The following HERC3 variants were observed in gnomAD, a reference collection of about 807,000 sequenced individuals.
HERC3 encodes the protein HECT and RLD domain containing E3 ubiquitin protein ligase 3, also known as probable E3 ubiquitin-protein ligase HERC3.
HERC3 carries 58 observed loss-of-function variants against 129.9 expected under a neutral mutation model. The observed-to-expected ratio is 0.45, with a 90% CI of 0.36 to 0.56. The LOEUF (loss-of-function observed/expected upper bound fraction) is 0.56. HERC3 is among the 20% of genes least tolerant of loss of function. HERC3 has a pLI of 0.00. For missense variants in HERC3, 835 were observed against 1,244.2 expected, an observed-to-expected ratio of 0.67 and a Z score of 4.95; for synonymous variants, 430 against 451.0, an observed-to-expected ratio of 0.95 and a Z score of 0.59.
chr4:88,534,741 T>C, the HERC3 span, among the ~76,000 whole-genome samples: 1 of 152,208 alleles, frequency 6.6e-6, no homozygotes, highest in South Asian at 2.1e-4. Flanking sequence ...CTATATGGCT[T>C]TTTTATTATC....
the HERC3 span, among the ~76,000 whole-genome samples, chr4:88,530,648 A>C: frequency 6.6e-6 from 1 of 152,314 alleles, no homozygotes; most frequent in Middle Eastern, 3.4e-3. Flanking sequence ...GAGTATGATG[A>C]GCCATCAATA....
chr4:88,552,872 T>C, the HERC3 span, among the ~76,000 whole-genome samples: 1 of 152,130 alleles, frequency 6.6e-6, no homozygotes, highest in Non-Finnish European at 1.5e-5. Context: ...CCATATTCGG[T>C]ATGTGGTGAT....
intron 23 of HERC3, among the ~76,000 whole-genome samples, chr4:88,700,099 T>C (rs1735192377): frequency 6.6e-6 from 1 of 152,144 alleles, no homozygotes; most frequent in South Asian, 2.1e-4. Flanking sequence ...GCTTTTTTTT[T>C]TTACTAGCAG....
At chr4:88,693,384 A>G in intron 23 of HERC3, 3 of 967,838 alleles carry the variant, frequency 3.1e-6, no homozygotes, top group Non-Finnish European at 3.7e-6. Flanking sequence ...ATACTCCCTT[A>G]TATGTCATTA....
At chr4:88,664,240 C>T in intron 12 of HERC3, 28 bp downstream of exon 12, 1 of 1,568,886 alleles carries the variant, frequency 6.4e-7, no homozygotes, top group South Asian at 1.1e-5. Flanking sequence ...TTAAAAAACC[C>T]TCACGTGTAC....
chr4:88,700,616 C>T (rs1252298130), intron 23 of HERC3, among the ~76,000 whole-genome samples: 2 of 152,092 alleles, frequency 1.3e-5, no homozygotes, highest in Non-Finnish European at 1.5e-5. Context: ...TAGGTATTTG[C>T]TGTTGTAGTA....
intron 23 of HERC3, among the ~76,000 whole-genome samples, chr4:88,702,102 A>G (rs540926211): frequency 1.3e-5 from 2 of 152,298 alleles, no homozygotes; most frequent in East Asian, 3.9e-4. Context: ...CTAGACAAAG[A>G]TCTTTTTACA....
At chr4:88,614,978 A>G (rs1458563086) in intron 3 of HERC3, among the ~76,000 whole-genome samples, 1 of 152,212 alleles carries the variant, frequency 6.6e-6, no homozygotes, top group South Asian at 2.1e-4. Flanking sequence ...TAGGTCACCA[A>G]CAGTACTGAA....
the HERC3 span, among the ~76,000 whole-genome samples, chr4:88,535,068 A>G: frequency 0.27 from 40,529 of 152,170 alleles, 5,947 homozygotes; most frequent in East Asian, 0.54. Flanking sequence ...GTTATTGCAT[A>G]TGAAAAAAAT....
intron 24 of HERC3, 95 bp downstream of exon 24, chr4:88,704,376 T>G: frequency 7.3e-7 from 1 of 1,363,996 alleles, no homozygotes; most frequent in South Asian, 1.2e-5. Context: ...CCAAGCATAC[T>G]GTGGTTGAGT....
intron 1 of HERC3, among the ~76,000 whole-genome samples, chr4:88,593,989 G>A (rs1223337337): frequency 1.3e-5 from 2 of 152,180 alleles, no homozygotes; most frequent in Non-Finnish European, 2.9e-5. Context: ...TGGTCGTACC[G>A]CCTTCGAGGC....
intron 7 of HERC3, among the ~76,000 whole-genome samples, chr4:88,654,375 TATATATATATATAC>T (rs755520208): frequency 0.12 from 15,057 of 121,024 alleles, 976 homozygotes; most frequent in East Asian, 0.26. Flanking sequence ...TATATATATA[TATATATATATATAC>T]ACACACACAC....
At chr4:88,669,776 A>G in intron 14 of HERC3, 84 bp from the exon 15 acceptor site, 1 of 1,199,018 alleles carries the variant, frequency 8.3e-7, no homozygotes, top group South Asian at 1.4e-5. Flanking sequence ...CTTCTAGACA[A>G]AGCAATTTTT....
At chr4:88,655,820 G>C in intron 8 of HERC3, 55 bp from the exon 9 acceptor site, 1 of 1,544,208 alleles carries the variant, frequency 6.5e-7, no homozygotes. Flanking sequence ...CAGAGTCAGA[G>C]TGTACATCCA....
At chr4:88,561,873 A>G in the HERC3 span, among the ~76,000 whole-genome samples, 1 of 152,010 alleles carries the variant, frequency 6.6e-6, no homozygotes, top group Non-Finnish European at 1.5e-5. Context: ...ATAGTACTAC[A>G]TTTTCTTTAT....
chr4:88,549,989 T>C, the HERC3 span, among the ~76,000 whole-genome samples: 2 of 152,090 alleles, frequency 1.3e-5, no homozygotes, highest in Non-Finnish European at 2.9e-5. Flanking sequence ...GTTTCCTTAT[T>C]GGGGAATCGA....
chr4:88,658,183 G>C lies in HERC3; in HGVS notation c.1070-232G>C, dbSNP rs570130986. 2.4e-5 allele frequency: 8 copies of C among 335,674 alleles called. No homozygotes were observed. The East Asian group carries it at 3.8e-4, about 16-fold the overall frequency. 20.8% of individuals were successfully genotyped at this position (335,674 alleles called of 1,614,324 possible). ...ACTAGGTCAGGATTCACTGGCAGTTGGGGAGGGGCAGAAGAAGAGTTAGAG... is the reference window on the plus strand; with the variant it reads ...ACTAGGTCAGGATTCACTGGCAGTTCGGGAGGGGCAGAAGAAGAGTTAGAG... On this transcript the variant is annotated intron_variant, in intron 9 of 25. Transcript: ENST00000402738.
the HERC3 span, among the ~76,000 whole-genome samples, chr4:88,570,377 T>A: frequency 0.16 from 24,542 of 152,196 alleles, 2,330 homozygotes; most frequent in Admixed American, 0.25. Context: ...GATGAAACAA[T>A]CTTAGTCAGA....
chr4:88,562,113 C>T, the HERC3 span, among the ~76,000 whole-genome samples: 42 of 152,258 alleles, frequency 2.8e-4, no homozygotes, highest in African/African-American at 6.3e-4. Context: ...TTCCCACCAA[C>T]GGTGTACAAG....
Sources: allele counts gnomAD v4.1 joint callset (sites outside exome capture counted in the v4.1 genomes callset), GRCh38; gene constraint gnomAD v4.1.1; transcripts MANE v1.5; gene names NCBI Gene and HGNC (gene_info 2026-07-23, HGNC 2026-07-21).